The following DPY19L3 variants were observed in gnomAD, a reference collection of about 807,000 sequenced individuals.
DPY19L3 encodes the protein protein C-mannosyl-transferase DPY19L3.
DPY19L3 carries 51 observed loss-of-function variants against 92.3 expected under a neutral mutation model. The ratio of observed to expected loss-of-function variants is 0.55; its 90% confidence interval spans 0.44 to 0.70. The LOEUF (loss-of-function observed/expected upper bound fraction) is 0.70, where lower values mean the gene tolerates loss of function less well. DPY19L3 is among the 30% of genes least tolerant of loss of function. DPY19L3 has a pLI of 0.00. For synonymous variants in DPY19L3, 309 were observed against 315.2 expected (o/e 0.98, Z 0.21); for missense variants, 706 against 855.9 (o/e 0.82, Z 2.18).
chr19:32,482,318 T>C lies in DPY19L3; in HGVS notation c.*78T>C. Reference sequence around the variant, plus strand: ...GAAACTCAATAGATGACGTTTCCTATGTAAGTAGGTAGCCCAAACCTTCAA... The same window carrying C: ...GAAACTCAATAGATGACGTTTCCTACGTAAGTAGGTAGCCCAAACCTTCAA... On this transcript the variant is annotated 3_prime_UTR_variant, in exon 19 of 19. Transcript: ENST00000392250. The C allele has an allele frequency of 1.3e-6, 2 of 1,511,636 alleles. No homozygotes were observed. The highest frequency in any genetic ancestry group is 1.8e-4 in the Middle Eastern group (1 of 5,590). The allele number at this position is 1,511,636 out of a possible 1,614,324, so 93.6% of individuals were successfully genotyped here. A position where few individuals can be genotyped will look rare whatever the true frequency, so the allele number is the denominator to read the frequency against.
intron 3 of DPY19L3, among the ~76,000 whole-genome samples, chr19:32,421,940 C>T (rs536520568): frequency 3.3e-5 from 5 of 152,260 alleles, no homozygotes; most frequent in African/African-American, 1.2e-4. Flanking sequence ...CCAAAGCTAT[C>T]AAGTTCTGTT....
rs1970766552 is a variant in DPY19L3, at chr19:32,485,175, A to G, written c.*2935A>G. 6.6e-6 allele frequency: 1 copy of G among 152,220 alleles called. No homozygotes were observed. 9.4% of individuals were successfully genotyped at this position (152,220 alleles called of 1,614,324 possible). ...AGGTTATGATTCCCTACTTTAACCT[A>G]CTTACTTTATTAAATGACCAACTAC... On this transcript the variant is annotated 3_prime_UTR_variant, in exon 19 of 19. Coordinates refer to ENST00000392250, the MANE Select transcript of DPY19L3 (RefSeq NM_001172774.2).
intron 3 of DPY19L3, among the ~76,000 whole-genome samples, chr19:32,419,673 A>G (rs1226918105): frequency 1.3e-5 from 2 of 152,126 alleles, no homozygotes; most frequent in East Asian, 1.9e-4. Flanking sequence ...GCCTCAAGCA[A>G]GCCTCCCACC....
intron 2 of DPY19L3, among the ~76,000 whole-genome samples, chr19:32,410,602 G>A (rs1968145829): frequency 6.6e-6 from 1 of 152,128 alleles, no homozygotes; most frequent in Admixed American, 6.5e-5. Context: ...GGCCAACATG[G>A]TGAAACCCTG....
chr19:32,411,476 C>A, intron 3 of DPY19L3, 104 bp downstream of exon 3: 1 of 1,250,430 alleles, frequency 8.0e-7, no homozygotes, highest in Non-Finnish European at 1.1e-6. Context: ...ATAAAGAATC[C>A]AATCTCTAGA....
intron 8 of DPY19L3, among the ~76,000 whole-genome samples, chr19:32,443,297 A>T (rs1365713334): frequency 1.3e-5 from 2 of 152,172 alleles, no homozygotes; most frequent in Non-Finnish European, 2.9e-5. Flanking sequence ...TTCCGTCTGA[A>T]AGTACTGAGG....
chr19:32,458,275 C>T lies in DPY19L3; in HGVS notation c.1164-76C>T, dbSNP rs1288980407. On this transcript the variant is annotated intron_variant, in intron 11 of 18. Transcript: ENST00000392250. ...TGCCTTCAACTATTAATTGCAGACT[C>T]CCTCTGAGGAAAGATGCAATGTCAT... is the stretch of plus-strand genomic sequence containing the variant. 24 of 1,580,066 alleles carry T rather than the reference C, an allele frequency of 1.5e-5. No homozygotes were observed. In the East Asian group the frequency reaches 5.2e-4, roughly 34 times the overall value.
At chr19:32,417,676 T>A (rs1421262319) in intron 3 of DPY19L3, among the ~76,000 whole-genome samples, 1 of 152,240 alleles carries the variant, frequency 6.6e-6, no homozygotes, top group African/African-American at 2.4e-5. Context: ...CCTGCCGCCA[T>A]GTAAGACTTA....
At chr19:32,481,958 AATAAT>A in intron 18 of DPY19L3, 116 bp from the exon 19 acceptor site, 1 of 1,162,470 alleles carries the variant, frequency 8.6e-7, no homozygotes, top group Non-Finnish European at 1.2e-6. Flanking sequence ...TGGACATTGA[AATAAT>A]ATAATTTAAT....
rs192526845 is a variant in DPY19L3 at position 32,411,120 on chromosome 19, G to A, written c.104-119G>A. 33 of 1,060,136 alleles carry A rather than the reference G, an allele frequency of 3.1e-5. No individual in the cohort carries two copies. In the African/African-American group the frequency reaches 4.3e-4, roughly 14 times the overall value. The allele number at this position is 1,060,136 out of a possible 1,614,324, so 65.7% of individuals were successfully genotyped here. Reference sequence around the variant, plus strand: ...CAGAAAGGACCCTCCGCTGGAGACAGGAAAAGCTTTCCCAGTGACAGGCAG... The same window carrying A: ...CAGAAAGGACCCTCCGCTGGAGACAAGAAAAGCTTTCCCAGTGACAGGCAG... On this transcript the variant is annotated intron_variant, in intron 2 of 18. Transcript: ENST00000392250.
chr19:32,459,884 A>G (rs1329220866), intron 12 of DPY19L3, among the ~76,000 whole-genome samples: 1 of 152,208 alleles, frequency 6.6e-6, no homozygotes, highest in Non-Finnish European at 1.5e-5. Context: ...CAAGGGGGAT[A>G]TGTTCTGAGA....
At chr19:32,461,735 A>G (rs992423954) in intron 12 of DPY19L3, among the ~76,000 whole-genome samples, 7 of 152,326 alleles carry the variant, frequency 4.6e-5, no homozygotes, top group South Asian at 2.1e-4. Context: ...GCCCAGTTCT[A>G]TTGGGTATGT....
At chr19:32,477,846 T>C (rs964528315) in intron 17 of DPY19L3, among the ~76,000 whole-genome samples, 192 bp downstream of exon 17, 1 of 152,194 alleles carries the variant, frequency 6.6e-6, no homozygotes, top group Non-Finnish European at 1.5e-5. Context: ...AGAGGTTTAA[T>C]TGACTTACAG....
intron 8 of DPY19L3, among the ~76,000 whole-genome samples, chr19:32,444,588 A>C (rs191327128): frequency 1.3e-5 from 2 of 152,340 alleles, no homozygotes; most frequent in Non-Finnish European, 2.9e-5. Context: ...AAATTTCCTC[A>C]AATTTGGCAA....
rs1310447766 is a variant in DPY19L3, at chr19:32,484,123, T to A, written c.*1883T>A. The A allele has an allele frequency of 6.6e-6, 1 of 151,286 alleles. No homozygotes were observed. The highest frequency in any genetic ancestry group is 1.5e-5 in the Non-Finnish European group (1 of 67,272). 9.4% of individuals were successfully genotyped at this position (151,286 alleles called of 1,614,324 possible). ...CACCGCAATGATGGCAAACAGTGATTTTTTTTTTCATAGTTTAGGTGTCAT... is the reference window on the plus strand; with the variant it reads ...CACCGCAATGATGGCAAACAGTGATATTTTTTTTCATAGTTTAGGTGTCAT... On this transcript the variant is annotated 3_prime_UTR_variant, in exon 19 of 19. Coordinates refer to ENST00000392250, the MANE Select transcript of DPY19L3 (RefSeq NM_001172774.2).
intron 9 of DPY19L3, 113 bp downstream of exon 9, chr19:32,453,389 A>G (rs1969768896): frequency 9.1e-7 from 1 of 1,099,120 alleles, no homozygotes; most frequent in South Asian, 1.7e-5. Flanking sequence ...GATTTGCACT[A>G]AAAAGAGCAC....
At chr19:32,418,630 A>C (rs2054947279) in intron 3 of DPY19L3, among the ~76,000 whole-genome samples, 1 of 152,190 alleles carries the variant, frequency 6.6e-6, no homozygotes, top group Non-Finnish European at 1.5e-5. Flanking sequence ...TCCTTTATAA[A>C]TCTCCTGTAA....
intron 3 of DPY19L3, among the ~76,000 whole-genome samples, chr19:32,417,793 A>G (rs932949323): frequency 1.6e-4 from 24 of 152,164 alleles, no homozygotes; most frequent in African/African-American, 5.6e-4. Flanking sequence ...AGTCTTGGGT[A>G]TGTCTTTATT....
chr19:32,411,347 A>G lies in DPY19L3; in HGVS notation c.212A>G (p.Asn71Ser), dbSNP rs1968174546. 1 of 1,614,072 alleles carries G rather than the reference A, an allele frequency of 6.2e-7. No homozygotes were observed. Among genetic ancestry groups the G allele is most frequent in the Non-Finnish European group, 8.5e-7 (1 of 1,179,986 alleles). The change falls in exon 3 of 19, where the codon AAT becomes AGT. Residue 71 changes from asparagine (N) to serine (S), a missense_variant. Coordinates refer to ENST00000392250, the MANE Select transcript of DPY19L3 (RefSeq NM_001172774.2). ...GTCTACCTTGCCACGTTACATGAAA[A>G]TGATTTATGGTTTTCTAATATTAAG... ...TSVYLATLHE[N>S]DLWFSNIKEV... is the part of the protein sequence containing the mutation.
Sources: gnomAD v4.1 joint callset for allele counts (sites outside exome capture counted in the v4.1 genomes callset) on GRCh38, gnomAD v4.1.1 for gene constraint, MANE v1.5 for transcripts, NCBI Gene and HGNC (gene_info 2026-07-23, HGNC 2026-07-21) for gene names.